KCNN3: variants seen among roughly 807,000 people sequenced by gnomAD.
KCNN3 encodes potassium calcium-activated channel subfamily N member 3.
A neutral mutation model predicts 62.9 loss-of-function variants in KCNN3; 16 were observed. The observed-to-expected ratio is 0.25, with a 90% CI of 0.17 to 0.39. KCNN3 has a LOEUF of 0.39. Among genes scored for constraint, KCNN3 ranks in the 10% least tolerant of loss-of-function variants. The pLI, the probability that KCNN3 is intolerant of heterozygous loss-of-function variation, is 1.00. For synonymous variants in KCNN3, 370 were observed against 389.2 expected (o/e 0.95, Z 0.58); for missense variants, 599 against 949.4 (o/e 0.63, Z 4.85).
At position 154,702,181 on chromosome 1, in the gene KCNN3, C is replaced by G. The variant is rs976401373; in HGVS notation, c.*5795G>C. 2.0e-5 allele frequency: 3 copies of G among 151,874 alleles called. No individual in the cohort carries two copies. Among genetic ancestry groups the G allele is most frequent in the African/African-American group, 7.3e-5 (3 of 41,346 alleles). 9.4% of individuals were successfully genotyped at this position (151,874 alleles called of 1,614,324 possible). On this transcript the variant is annotated 3_prime_UTR_variant, in exon 8 of 8. Coordinates refer to ENST00000271915, the MANE Select transcript of KCNN3 (RefSeq NM_002249.6). ...GTTCAGTAGGCTGTGGTAGGAGGACCCTTTTTCTGGGTGCCCGGCAATCAC... is the reference window on the plus strand; with the variant it reads ...GTTCAGTAGGCTGTGGTAGGAGGACGCTTTTTCTGGGTGCCCGGCAATCAC...
intron 3 of KCNN3, among the ~76,000 whole-genome samples, chr1:154,751,162 G>T (rs1014556268): frequency 1.3e-5 from 2 of 152,174 alleles, no homozygotes; most frequent in Non-Finnish European, 2.9e-5. Flanking sequence ...GCTCAGACCC[G>T]CCCAACTCGC....
At chr1:154,763,794 A>C (rs1648131238) in intron 3 of KCNN3, among the ~76,000 whole-genome samples, 1 of 152,206 alleles carries the variant, frequency 6.6e-6, no homozygotes, top group East Asian at 1.9e-4. Flanking sequence ...GAAGTTGATC[A>C]ATTTTTTAAA....
chr1:154,758,956 C>T (rs892162592), intron 3 of KCNN3, among the ~76,000 whole-genome samples: 1 of 152,008 alleles, frequency 6.6e-6, no homozygotes, highest in African/African-American at 2.4e-5. Context: ...TACAGGCGCT[C>T]ACCACCACAC....
intron 2 of KCNN3, among the ~76,000 whole-genome samples, chr1:154,806,256 C>T (rs1650170082): frequency 1.3e-5 from 2 of 152,204 alleles, no homozygotes; most frequent in Non-Finnish European, 2.9e-5. Context: ...TTGGGTACCC[C>T]ACCTGCTGCC....
chr1:154,719,288 C>T (rs1163560011), intron 5 of KCNN3, among the ~76,000 whole-genome samples: 1 of 152,104 alleles, frequency 6.6e-6, no homozygotes, highest in Non-Finnish European at 1.5e-5. Context: ...GAAAGGGAGG[C>T]CTGGCCGGTG....
rs141636473 is a variant in KCNN3 at position 154,699,401 on chromosome 1, A to G, written c.*8575T>C. On this transcript the variant is annotated 3_prime_UTR_variant, in exon 8 of 8. Coordinates refer to ENST00000271915, the MANE Select transcript of KCNN3 (RefSeq NM_002249.6). The stretch of plus-strand genomic sequence containing the variant: ...ATATTATATATGAATGTGCGGGTAT[A>G]TGTGTGTGCACCTATGTATGTATAA... 6.6e-6 allele frequency: 1 copy of G among 152,286 alleles called. No individual in the cohort carries two copies. The highest frequency in any genetic ancestry group is 2.4e-5 in the African/African-American group (1 of 41,550). The allele number at this position is 152,286 out of a possible 1,614,324, so 9.4% of individuals were successfully genotyped here.
rs1571269024 is a variant in KCNN3 at position 154,780,754 on chromosome 1, T to C, written c.1030-8361A>G. 2.0e-5 allele frequency among the ~76,000 whole-genome samples: 3 copies of C among 152,090 alleles called. No homozygotes were observed. The South Asian group carries it at 6.2e-4, about 32-fold the overall frequency. ...CAGGAGCTGATTGCCAGTGACGAAA[T>C]GAACTTCTGGGTTTGCAGCAATGGT... is the stretch of plus-strand genomic sequence containing the variant. On this transcript the variant is annotated intron_variant, in intron 2 of 7. Coordinates refer to ENST00000271915, the MANE Select transcript of KCNN3 (RefSeq NM_002249.6).
intron 1 of KCNN3, among the ~76,000 whole-genome samples, chr1:154,844,776 C>T (rs963275273): frequency 6.6e-6 from 1 of 152,078 alleles, no homozygotes; most frequent in Non-Finnish European, 1.5e-5. Flanking sequence ...GAGGCTGAGG[C>T]GGGTGGATCA....
In KCNN3 at chr1:154,698,689, A is replaced by G. The variant is rs1571187345; in HGVS notation, c.*9287T>C. 1.3e-5 allele frequency: 2 copies of G among 152,312 alleles called. No individual in the cohort carries two copies. Among genetic ancestry groups the G allele is most frequent in the East Asian group, 3.9e-4 (2 of 5,184 alleles). The allele number at this position is 152,312 out of a possible 1,614,324, so 9.4% of individuals were successfully genotyped here. A position where few individuals can be genotyped will look rare whatever the true frequency, so the allele number is the denominator to read the frequency against. ...CATACAGGCAGTTGTATAACTGTAG[A>G]CAGGCAGGGCCCATGGAGCTGTGGA... On this transcript the variant is annotated 3_prime_UTR_variant, in exon 8 of 8. Transcript: ENST00000271915.
chr1:154,719,623 A>T (rs1451862840), intron 5 of KCNN3, among the ~76,000 whole-genome samples: 1 of 152,164 alleles, frequency 6.6e-6, no homozygotes, highest in Non-Finnish European at 1.5e-5. Flanking sequence ...AGGCTGAGTG[A>T]TGATCAGATC....
At chr1:154,740,028 A>G (rs557393532) in intron 3 of KCNN3, among the ~76,000 whole-genome samples, 1 of 152,210 alleles carries the variant, frequency 6.6e-6, no homozygotes, top group Admixed American at 6.5e-5. Flanking sequence ...TTAGCTGCTA[A>G]ATTTTGGAGC....
At chr1:154,760,378 C>T (rs1647942463) in intron 3 of KCNN3, among the ~76,000 whole-genome samples, 2 of 150,524 alleles carry the variant, frequency 1.3e-5, no homozygotes, top group South Asian at 4.3e-4. Flanking sequence ...AACGAGAAAG[C>T]GGCCGCGGAG....
chr1:154,794,783 G>A (rs1320332189), intron 2 of KCNN3, among the ~76,000 whole-genome samples: 3 of 152,178 alleles, frequency 2.0e-5, no homozygotes, highest in African/African-American at 7.2e-5. Context: ...GAAGGACTTT[G>A]AGCCCATCTA....
intron 4 of KCNN3, among the ~76,000 whole-genome samples, chr1:154,727,097 G>A (rs1027214805): frequency 3.9e-5 from 6 of 152,230 alleles, no homozygotes; most frequent in African/African-American, 9.7e-5. Context: ...GGCAGGCAGC[G>A]GGAGTCAGCT....
At chr1:154,746,575 TCTTCTCTTTCATG>T (rs925680233) in intron 3 of KCNN3, among the ~76,000 whole-genome samples, 3 of 152,060 alleles carry the variant, frequency 2.0e-5, no homozygotes, top group Non-Finnish European at 2.9e-5. Flanking sequence ...TGTTCTTTCT[TCTTCTCTTTCATG>T]CTTCTTTTTC....
chr1:154,833,830 G>A (rs1021927062), intron 1 of KCNN3, among the ~76,000 whole-genome samples: 9 of 152,138 alleles, frequency 5.9e-5, no homozygotes, highest in Non-Finnish European at 1.2e-4. Context: ...CCTCATTCAA[G>A]GACAAATCAG....
chr1:154,836,695 C>T (rs763653508), intron 1 of KCNN3, among the ~76,000 whole-genome samples: 7 of 152,230 alleles, frequency 4.6e-5, no homozygotes, highest in Non-Finnish European at 1.0e-4. Flanking sequence ...TCGCACTATT[C>T]CTGTTTTCCG....
intron 1 of KCNN3, among the ~76,000 whole-genome samples, chr1:154,849,996 TGTG>T (rs947228668): frequency 6.6e-6 from 1 of 152,200 alleles, no homozygotes; most frequent in Non-Finnish European, 1.5e-5. Flanking sequence ...TCCCAGGTCT[TGTG>T]GTAAGGGAGG....
Position 154,834,430 on chromosome 1 carries a change from A to AG in KCNN3, c.934-12247dup, listed in dbSNP as rs1034680456. Among the ~76,000 whole-genome samples the AG allele has an allele frequency of 1.6e-4, 25 of 152,216 alleles. No homozygotes were observed. The Middle Eastern group carries it at 0.01, about 62-fold the overall frequency. On this transcript the variant is annotated intron_variant, in intron 1 of 7. Transcript: ENST00000271915. ...CTCCCAAGTAGACTATCCATGGTCT[A>AG]GGGGGGGTCAGGGAACCTCCCAATT...
Sources: allele counts gnomAD v4.1 joint callset (sites outside exome capture counted in the v4.1 genomes callset), GRCh38; gene constraint gnomAD v4.1.1; transcripts MANE v1.5; gene names NCBI Gene and HGNC (gene_info 2026-07-23, HGNC 2026-07-21).